PPIG: variants seen among roughly 807,000 people sequenced by gnomAD.
The protein encoded by PPIG is peptidyl-prolyl cis-trans isomerase G.
PPIG carries 26 observed loss-of-function variants against 87.9 expected under a neutral mutation model. The ratio of observed to expected loss-of-function variants is 0.30; its 90% CI spans 0.22 to 0.41. The LOEUF is 0.41. Ranked by LOEUF, PPIG falls within the 10% of genes least tolerant of loss-of-function variation. The pLI is 1.00. For missense variants in PPIG, 722 were observed against 879.4 expected (o/e 0.82, Z 2.26); for synonymous variants, 308 against 276.5 (o/e 1.11, Z -1.13).
chr2:169,595,790 A>G (rs994198165), intron 1 of PPIG, among the ~76,000 whole-genome samples: 1 of 152,070 alleles, frequency 6.6e-6, no homozygotes, highest in African/African-American at 2.4e-5. Context: ...TATGTATCAC[A>G]GTTTTTTGTT....
intron 2 of PPIG, 49 bp from the exon 3 acceptor site, chr2:169,603,977 G>A: frequency 7.0e-7 from 1 of 1,420,504 alleles, no homozygotes. Flanking sequence ...ATTTGTGAAA[G>A]ATCTTTGCTA....
At chr2:169,584,802 A>C (rs1487728684) in intron 1 of PPIG, 3 of 298,716 alleles carry the variant, frequency 1.0e-5, no homozygotes, top group Non-Finnish European at 1.9e-5. Flanking sequence ...ATTTTGCCGC[A>C]CAAGCTGTAA....
Position 169,608,731 on chromosome 2 carries a change from A to G in PPIG, c.350A>G (p.Lys117Arg). ...CTCTTGTCAATGGCCAACAGAGGGA[A>G]GGATACAAATGGTTCACAGTTCTTC... is the stretch of plus-strand genomic sequence containing the variant. ...EFLLSMANRGKDTNGSQFFIT... is the reference protein window; with the variant it reads ...EFLLSMANRGRDTNGSQFFIT... Residue 117 changes from lysine (K) to arginine (R), a missense_variant, in exon 7 of 14, where the codon AAG becomes AGG. This residue lies in a region of PPIG where 99 missense variants were observed against 215.8 expected (regional missense o/e 0.46). Transcript: ENST00000260970. 1 of 1,606,682 alleles carries G rather than the reference A, an allele frequency of 6.2e-7. No homozygotes were observed. Among genetic ancestry groups the G allele is most frequent in the Non-Finnish European group, 8.5e-7 (1 of 1,173,732 alleles).
intron 9 of PPIG, among the ~76,000 whole-genome samples, chr2:169,615,075 G>A (rs1260359661): frequency 6.6e-6 from 1 of 151,878 alleles, no homozygotes; most frequent in Non-Finnish European, 1.5e-5. Flanking sequence ...TTGAGACAGA[G>A]TCTCACTCTG....
chr2:169,603,894 C>T, intron 2 of PPIG, 132 bp from the exon 3 acceptor site: 1 of 688,506 alleles, frequency 1.5e-6, no homozygotes, highest in Non-Finnish European at 2.4e-6. Flanking sequence ...TGTGATTTAC[C>T]TCATAGAAAT....
rs185404386 is a variant in PPIG at position 169,618,523 on chromosome 2, A to T, written c.547+3799A>T. 1.3e-3 allele frequency among the ~76,000 whole-genome samples: 193 copies of T among 152,214 alleles called. 1 individual carries two copies. Among genetic ancestry groups the T allele is most frequent in the Non-Finnish European group, 3.5e-4 (24 of 68,008 alleles). ...TGGTAGTCTGTTAATTACTGCCTCA[A>T]TTTCAGCACTTGTTATTGGTCTATT... On this transcript the variant is annotated intron_variant, in intron 9 of 13. Coordinates refer to ENST00000260970, the MANE Select transcript of PPIG (RefSeq NM_004792.3).
intron 7 of PPIG, among the ~76,000 whole-genome samples, chr2:169,609,059 G>A (rs1685415430): frequency 6.8e-6 from 1 of 147,622 alleles, no homozygotes; most frequent in Non-Finnish European, 1.5e-5. Flanking sequence ...ACTCCAGCCT[G>A]GGTGACAGAG....
In PPIG at chr2:169,637,593, T is replaced by G; in HGVS notation, c.*70T>G. On this transcript the variant is annotated 3_prime_UTR_variant, in exon 14 of 14. Transcript: ENST00000260970. ...TTGAGAGACTTGCTAATGAATCTCC[T>G]TTATGTTGTTTTCCTTTTCATTGTT... is the stretch of plus-strand genomic sequence containing the variant. 2 of 1,343,314 alleles carry G rather than the reference T, an allele frequency of 1.5e-6. No homozygotes were observed. The highest frequency in any genetic ancestry group is 2.0e-6 in the Non-Finnish European group (2 of 1,009,808). The allele number at this position is 1,343,314 out of a possible 1,614,324, so 83.2% of individuals were successfully genotyped here.
chr2:169,640,386 G>A lies in PPIG; in HGVS notation c.*2863G>A, dbSNP rs1686283418. 1 of 152,124 alleles carries A rather than the reference G, an allele frequency of 6.6e-6. No individual in the cohort carries two copies. The highest frequency in any genetic ancestry group is 1.5e-5 in the Non-Finnish European group (1 of 68,004). The allele number at this position is 152,124 out of a possible 1,614,324, so 9.4% of individuals were successfully genotyped here. ...TGGATCTCTGGTATTTTGGGTAGTGGTATTAACTTGACAATTCTAATTTAT... is the reference window on the plus strand; with the variant it reads ...TGGATCTCTGGTATTTTGGGTAGTGATATTAACTTGACAATTCTAATTTAT... On this transcript the variant is annotated 3_prime_UTR_variant, in exon 14 of 14. Coordinates refer to ENST00000260970, the MANE Select transcript of PPIG (RefSeq NM_004792.3).
At chr2:169,633,476 G>C (rs578170879) in intron 12 of PPIG, 80 of 547,770 alleles carry the variant, frequency 1.5e-4, no homozygotes, top group African/African-American at 1.3e-3. Flanking sequence ...TATAAAATGG[G>C]ATCGAGGTCT....
At chr2:169,596,638 A>C (rs1227144559) in intron 1 of PPIG, among the ~76,000 whole-genome samples, 1 of 152,148 alleles carries the variant, frequency 6.6e-6, no homozygotes, top group African/African-American at 2.4e-5. Flanking sequence ...GAGTCACCTA[A>C]TGCAGCAGTC....
chr2:169,629,558 G>A (rs1685982431), intron 9 of PPIG, among the ~76,000 whole-genome samples: 1 of 152,156 alleles, frequency 6.6e-6, no homozygotes, highest in Admixed American at 6.5e-5. Context: ...AGAAAAGGTA[G>A]GTCATTTGTC....
chr2:169,633,285 C>G, intron 12 of PPIG, 38 bp downstream of exon 12: 1 of 1,393,512 alleles, frequency 7.2e-7, no homozygotes, highest in East Asian at 2.3e-5. Context: ...CACAATATTG[C>G]ATTTGTCTTC....
rs141161560 is a variant in PPIG, at chr2:169,601,302, A to G, written c.-69-2340A>G. Among the ~76,000 whole-genome samples, 741 of 152,306 alleles carry G rather than the reference A, an allele frequency of 4.9e-3. 4 individuals are homozygous for G. The highest frequency in any genetic ancestry group is 0.017 in the African/African-American group (715 of 41,564). On this transcript the variant is annotated intron_variant, in intron 1 of 13. Coordinates refer to ENST00000260970, the MANE Select transcript of PPIG (RefSeq NM_004792.3). ...CCTATCCTCTCACATTTATTCATTCATTTAATAAACACTGATTTCTTGTCA... is the reference window on the plus strand; with the variant it reads ...CCTATCCTCTCACATTTATTCATTCGTTTAATAAACACTGATTTCTTGTCA...
chr2:169,636,240 C>A lies in PPIG; in HGVS notation c.1154+12C>A. 1 of 1,578,090 alleles carries A rather than the reference C, an allele frequency of 6.3e-7. No homozygotes were observed. Among genetic ancestry groups the A allele is most frequent in the Non-Finnish European group, 8.6e-7 (1 of 1,168,548 alleles). On this transcript the variant is annotated intron_variant, in intron 13 of 13. Coordinates refer to ENST00000260970, the MANE Select transcript of PPIG (RefSeq NM_004792.3). Reference sequence around the variant, plus strand: ...ATCAAGGGGGATAAGTAAGATTTAACTATTATTATTTCAAATGTAATGATA... The same window carrying A: ...ATCAAGGGGGATAAGTAAGATTTAAATATTATTATTTCAAATGTAATGATA...
chr2:169,621,201 C>T (rs1685737878), intron 9 of PPIG, among the ~76,000 whole-genome samples: 1 of 151,772 alleles, frequency 6.6e-6, no homozygotes, highest in African/African-American at 2.4e-5. Flanking sequence ...ACACTGATTT[C>T]CTCTATAATA....
intron 1 of PPIG, among the ~76,000 whole-genome samples, chr2:169,592,883 G>A (rs1684907124): frequency 6.6e-6 from 1 of 152,102 alleles, no homozygotes; most frequent in African/African-American, 2.4e-5. Context: ...GCCATCTTTT[G>A]TTGTCACCAT....
intron 7 of PPIG, among the ~76,000 whole-genome samples, chr2:169,610,211 T>C (rs1685448971): frequency 6.6e-6 from 1 of 152,234 alleles, no homozygotes; most frequent in African/African-American, 2.4e-5. Flanking sequence ...TGGCGCCTGA[T>C]TATCTTCAAC....
chr2:169,637,638 G>T lies in PPIG; in HGVS notation c.*115G>T. 1.8e-6 allele frequency: 2 copies of T among 1,141,164 alleles called. No homozygotes were observed. The highest frequency in any genetic ancestry group is 1.2e-6 in the Non-Finnish European group (1 of 843,542). 70.7% of individuals were successfully genotyped at this position (1,141,164 alleles called of 1,614,324 possible). A position where few individuals can be genotyped will look rare whatever the true frequency, so the allele number is the denominator to read the frequency against. On this transcript the variant is annotated 3_prime_UTR_variant, in exon 14 of 14. Transcript: ENST00000260970. The stretch of plus-strand genomic sequence containing the variant: ...ATTGTTTTTGGATTGTTTTATGTTT[G>T]TCCTTTTTTTTCTTAATGTGGATTT...
Sources: gnomAD v4.1 joint callset for allele counts (sites outside exome capture counted in the v4.1 genomes callset) on GRCh38, gnomAD v4.1.1 for gene constraint, gnomAD v4.1.1 regional missense constraint, MANE v1.5 for transcripts, NCBI Gene and HGNC (gene_info 2026-07-23, HGNC 2026-07-21) for gene names.